CCL17: variants seen among roughly 807,000 people sequenced by gnomAD.
CCL17 encodes the protein C-C motif chemokine ligand 17.
Under a neutral mutation model 7.4 loss-of-function variants are expected in CCL17, and 8 were observed. The observed-to-expected ratio is 1.09, with a 90% CI of 0.64 to 1.96. The LOEUF is 1.96. Ranked by LOEUF, CCL17 falls within the 30% of genes most tolerant of loss-of-function variation. The probability of loss-of-function intolerance (pLI) is 0.00; values close to 1 mark genes in which losing one functional copy is unlikely to be tolerated. For missense variants in CCL17, 102 were observed against 113.0 expected (o/e 0.90, Z 0.44); for synonymous variants, 40 against 46.1 (o/e 0.87, Z 0.54).
upstream of CCL17, among the ~76,000 whole-genome samples, chr16:57,403,727 G>A (rs1256498594): frequency 4.6e-5 from 6 of 131,624 alleles, no homozygotes; most frequent in African/African-American, 1.7e-4. Context: ...TGTGATCTTG[G>A]CTCACTGCAA....
chr16:57,407,834 A>T (rs1902720164), intron 1 of CCL17, among the ~76,000 whole-genome samples: 1 of 151,360 alleles, frequency 6.6e-6, no homozygotes, highest in East Asian at 2.0e-4. Context: ...CCATTCATTC[A>T]TTCATCTACC....
chr16:57,403,658 A>ATTTATAATATATAT (rs1423774043), upstream of CCL17, among the ~76,000 whole-genome samples: 1 of 89,052 alleles, frequency 1.1e-5, no homozygotes, highest in African/African-American at 4.6e-5. Context: ...TATAATATAT[A>ATTTATAATATATAT]TATATATATA....
chr16:57,406,016 T>C (rs1430486778), intron 1 of CCL17, among the ~76,000 whole-genome samples: 3 of 149,446 alleles, frequency 2.0e-5, no homozygotes, highest in Non-Finnish European at 4.4e-5. Context: ...CAGTCCAGCC[T>C]GGGCGAAAGA....
chr16:57,398,784 G>T, the CCL17 span, among the ~76,000 whole-genome samples: 1 of 152,204 alleles, frequency 6.6e-6, no homozygotes, highest in Admixed American at 6.5e-5. Flanking sequence ...TAGCCTGCTG[G>T]CATGAGGCTT....
chr16:57,408,779 T>C (rs929002477), intron 1 of CCL17, among the ~76,000 whole-genome samples: 1 of 152,052 alleles, frequency 6.6e-6, no homozygotes, highest in Non-Finnish European at 1.5e-5. Flanking sequence ...TTTCACCATG[T>C]TGGCCAGGAT....
upstream of CCL17, among the ~76,000 whole-genome samples, chr16:57,401,043 C>CCTTCTTCTT (rs10680121): frequency 8.6e-5 from 13 of 150,840 alleles, no homozygotes; most frequent in South Asian, 4.2e-4. Context: ...CTCCAGACAC[C>CCTTCTTCTT]CTTCTTCTTC....
chr16:57,413,957 C>G lies in CCL17; in HGVS notation c.25C>G (p.Leu9Val), dbSNP rs1902825605. Residue 9 changes from leucine (L) to valine (V), a missense_variant, in exon 2 of 4, where the codon CTG (leucine) becomes GTG (valine). By Grantham distance (32) the Leu-to-Val change is conservative (BLOSUM62 1). Transcript: ENST00000219244. Reference sequence around the variant, plus strand: ...CATGGCCCCACTGAAGATGCTGGCCCTGGTCACCCTCCTCCTGGGGGCTTC... The same window carrying G: ...CATGGCCCCACTGAAGATGCTGGCCGTGGTCACCCTCCTCCTGGGGGCTTC... Reference protein sequence around the residue: MAPLKMLALVTLLLGASLQ... With the variant: MAPLKMLAVVTLLLGASLQ... 1 of 1,610,444 alleles carries G rather than the reference C, an allele frequency of 6.2e-7. No individual in the cohort carries two copies. The highest frequency in any genetic ancestry group is 1.3e-5 in the African/African-American group (1 of 74,858).
intron 1 of CCL17, among the ~76,000 whole-genome samples, chr16:57,411,292 G>A (rs60558943): frequency 1.4e-4 from 21 of 152,210 alleles, no homozygotes; most frequent in East Asian, 5.8e-4. Context: ...GCCTCTGTCC[G>A]CCCTGCAGCC....
intron 1 of CCL17, among the ~76,000 whole-genome samples, chr16:57,411,997 A>T (rs1902792008): frequency 1.3e-5 from 2 of 152,202 alleles, no homozygotes; most frequent in South Asian, 4.1e-4. Flanking sequence ...CTGGGGGCAA[A>T]GAACCCATCT....
At chr16:57,407,226 A>T (rs761498486) in intron 1 of CCL17, among the ~76,000 whole-genome samples, 4 of 152,152 alleles carry the variant, frequency 2.6e-5, no homozygotes, top group Non-Finnish European at 5.9e-5. Flanking sequence ...GAGCTAGAAG[A>T]TGGCAGTGCA....
intron 1 of CCL17, among the ~76,000 whole-genome samples, chr16:57,412,380 C>T (rs978233004): frequency 2.0e-5 from 3 of 152,194 alleles, no homozygotes; most frequent in African/African-American, 7.2e-5. Flanking sequence ...GGTTTCCTCT[C>T]ATAGGATCCC....
intron 1 of CCL17, among the ~76,000 whole-genome samples, chr16:57,405,314 T>C (rs1157479373): frequency 6.6e-6 from 1 of 152,026 alleles, no homozygotes. Context: ...GGATGAGGGC[T>C]GAGCCAGTGG....
the CCL17 span, among the ~76,000 whole-genome samples, chr16:57,396,111 TA>T: frequency 6.6e-6 from 1 of 152,246 alleles, no homozygotes; most frequent in African/African-American, 2.4e-5. Context: ...ATACACTGGC[TA>T]TTCTGGTTCC....
intron 1 of CCL17, among the ~76,000 whole-genome samples, chr16:57,410,889 G>A (rs1328254978): frequency 2.6e-5 from 4 of 152,198 alleles, no homozygotes; most frequent in African/African-American, 9.7e-5. Flanking sequence ...ACCATGCTTG[G>A]TGCTGGGGAT....
rs201176349 is a variant in CCL17, at chr16:57,415,894, C to T, written c.*33C>T. ...TCACCCCAGACTCCTGACTGTCTCC[C>T]GGGACTACCTGGGACCTCCACCGTT... is the stretch of plus-strand genomic sequence containing the variant. On this transcript the variant is annotated 3_prime_UTR_variant, in exon 4 of 4. Coordinates refer to ENST00000219244, the MANE Select transcript of CCL17 (RefSeq NM_002987.3). This position sits in a 1 kb window ranked among gnomAD's most constrained non-coding sequence, Gnocchi z 4.5. 2.8e-5 allele frequency: 40 copies of T among 1,409,104 alleles called. No individual in the cohort carries two copies. Among genetic ancestry groups the T allele is most frequent in the Admixed American group, 1.5e-4 (9 of 59,598 alleles). The allele number at this position is 1,409,104 out of a possible 1,614,324, so 87.3% of individuals were successfully genotyped here. A position where few individuals can be genotyped will look rare whatever the true frequency, so the allele number is the denominator to read the frequency against.
At chr16:57,412,752 G>T (rs1006982889) in intron 1 of CCL17, among the ~76,000 whole-genome samples, 2 of 152,078 alleles carry the variant, frequency 1.3e-5, no homozygotes, top group African/African-American at 4.8e-5. Flanking sequence ...CCACCTGAAG[G>T]CCATGGGACT....
intron 1 of CCL17, among the ~76,000 whole-genome samples, chr16:57,411,163 G>C (rs953960076): frequency 6.6e-6 from 1 of 152,146 alleles, no homozygotes; most frequent in African/African-American, 2.4e-5. Flanking sequence ...CTGGCCAGAG[G>C]CAGCATCTCC....
intron 1 of CCL17, among the ~76,000 whole-genome samples, chr16:57,412,409 CT>C (rs1176217646): frequency 6.6e-6 from 1 of 152,228 alleles, no homozygotes; most frequent in African/African-American, 2.4e-5. Flanking sequence ...TACCTAAGGA[CT>C]GATGAGGTTA....
At chr16:57,408,066 A>G (rs1168253759) in intron 1 of CCL17, among the ~76,000 whole-genome samples, 2 of 148,956 alleles carry the variant, frequency 1.3e-5, no homozygotes, top group African/African-American at 5.0e-5. Context: ...CCACACATCC[A>G]TCTACCATCC....
Sources: gnomAD v4.1 joint callset for allele counts (sites outside exome capture counted in the v4.1 genomes callset) on GRCh38, gnomAD v4.1.1 for gene constraint, Gnocchi (gnomAD v3.1) non-coding constraint, MANE v1.5 for transcripts, NCBI Gene and HGNC (gene_info 2026-07-23, HGNC 2026-07-21) for gene names.